QPRT: variants seen among roughly 807,000 people sequenced by gnomAD.
The protein encoded by QPRT is nicotinate-nucleotide pyrophosphorylase [carboxylating].
Under a neutral mutation model 19.8 loss-of-function variants are expected in QPRT, and 17 were observed. That is an observed-to-expected ratio of 0.86 (90% CI 0.59 to 1.29). QPRT has a LOEUF of 1.29. QPRT is among the 50% of genes most tolerant of loss of function. The probability of loss-of-function intolerance (pLI) is 0.00; values close to 1 mark genes in which losing one functional copy is unlikely to be tolerated. For synonymous variants in QPRT, 178 were observed against 191.0 expected, an observed-to-expected ratio of 0.93 and a Z score of 0.56; for missense variants, 336 against 405.1, an observed-to-expected ratio of 0.83 and a Z score of 1.46.
chr16:29,680,647 GT>G (rs1966972564), intron 1 of QPRT, among the ~76,000 whole-genome samples: 1 of 152,046 alleles, frequency 6.6e-6, no homozygotes, highest in African/African-American at 2.4e-5. Context: ...GACAATAATA[GT>G]TCCCTGCTCT....
intron 1 of QPRT, among the ~76,000 whole-genome samples, chr16:29,679,749 C>G (rs1355996976): frequency 6.6e-6 from 1 of 152,104 alleles, no homozygotes; most frequent in Non-Finnish European, 1.5e-5. Flanking sequence ...AGATTTAAAG[C>G]AGCCCCAGGG....
At chr16:29,690,035 G>A (rs928202609) in intron 1 of QPRT, among the ~76,000 whole-genome samples, 2 of 152,008 alleles carry the variant, frequency 1.3e-5, no homozygotes, top group African/African-American at 4.8e-5. Context: ...CCAAACTTCC[G>A]CCCTCCAATA....
In QPRT at chr16:29,697,333, G is replaced by A. The variant is rs145302572; in HGVS notation, c.816G>A (p.Leu272=). The A allele has an allele frequency of 5.0e-6, 8 of 1,614,032 alleles. No individual in the cohort carries two copies. Among genetic ancestry groups the A allele is most frequent in the Non-Finnish European group, 6.8e-6 (8 of 1,180,006 alleles). ...TAGACGTCATCTCCATGGGGATGCT[G>A]ACCCAGGCGGCCCCAGCCCTTGATT... The part of the protein sequence containing the change: ...PHIDVISMGM[L]TQAAPALDFS... The change falls in exon 4 of 4, where the codon CTG becomes CTA. Residue 272 remains leucine, a synonymous_variant. Coordinates refer to ENST00000395384, the MANE Select transcript of QPRT (RefSeq NM_014298.6). The surrounding 1 kb of genome is among the most constrained non-coding windows in gnomAD (Gnocchi z 4.4).
In QPRT at chr16:29,695,080, T is replaced by A; in HGVS notation, c.430T>A (p.Phe144Ile). ...AGGCACGAGGAAGACCACGCCAGGC[T>A]TCCGGCTGGTGGAGAAGTATGGGCT... ...VAGTRKTTPGFRLVEKYGLLV... is the reference protein window; with the variant it reads ...VAGTRKTTPGIRLVEKYGLLV... Residue 144 changes from phenylalanine (F) to isoleucine (I), a missense_variant, in exon 2 of 4, where the codon TTC becomes ATC. Coordinates refer to ENST00000395384, the MANE Select transcript of QPRT (RefSeq NM_014298.6). 2 of 1,605,992 alleles carry A rather than the reference T, an allele frequency of 1.2e-6. No homozygotes were observed. Among genetic ancestry groups the A allele is most frequent in the Non-Finnish European group, 1.7e-6 (2 of 1,178,302 alleles).
chr16:29,684,266 T>C (rs1417958115), intron 1 of QPRT, among the ~76,000 whole-genome samples: 4 of 152,062 alleles, frequency 2.6e-5, no homozygotes, highest in African/African-American at 9.7e-5. Context: ...ACTACAGGCG[T>C]GCACCCCCAT....
At chr16:29,682,438 T>G (rs1042375622) in intron 1 of QPRT, among the ~76,000 whole-genome samples, 3 of 152,098 alleles carry the variant, frequency 2.0e-5, no homozygotes, top group Non-Finnish European at 2.9e-5. Flanking sequence ...AATGGCGTGA[T>G]CTTGGCTCAC....
chr16:29,695,303 C>T, intron 2 of QPRT, 104 bp downstream of exon 2: 1 of 1,315,924 alleles, frequency 7.6e-7, no homozygotes, highest in Non-Finnish European at 1.0e-6. Context: ...ACAGCCATGG[C>T]CTGGAGTCAG....
In QPRT at chr16:29,694,831, G is replaced by A. The variant is rs909659535; in HGVS notation, c.181G>A (p.Asp61Asn). The A allele has an allele frequency of 6.2e-6, 10 of 1,614,098 alleles. No homozygotes were observed. Among genetic ancestry groups the A allele is most frequent in the Admixed American group, 3.3e-5 (2 of 60,026 alleles). Residue 61 changes from aspartate to asparagine, a missense_variant, in exon 2 of 4, where the codon GAT becomes AAT. Transcript: ENST00000395384. ...GGTACTGGCAGGGCAGCCTTTCTTC[G>A]ATGCCATATTTACCCAACTCAACTG... ...PGVLAGQPFF[D>N]AIFTQLNCQV...
At chr16:29,679,272 C>T in intron 1 of QPRT, 62 bp downstream of exon 1, 1 of 1,345,484 alleles carries the variant, frequency 7.4e-7, no homozygotes, top group East Asian at 2.4e-5. Flanking sequence ...ACCCCTGCCC[C>T]CACCCTGGCT....
intron 1 of QPRT, among the ~76,000 whole-genome samples, chr16:29,680,978 G>C (rs956810421): frequency 6.6e-6 from 1 of 151,992 alleles, no homozygotes; most frequent in Non-Finnish European, 1.5e-5. Flanking sequence ...TGCTCAGAAG[G>C]TTGTGGGGAG....
At chr16:29,693,960 G>A (rs2142310061) in intron 1 of QPRT, among the ~76,000 whole-genome samples, 1 of 151,892 alleles carries the variant, frequency 6.6e-6, no homozygotes, top group African/African-American at 2.4e-5. Context: ...ACTGTGATGG[G>A]ATTGCAGGTG....
intron 1 of QPRT, among the ~76,000 whole-genome samples, chr16:29,692,275 ATTTATTTT>A (rs1488304882): frequency 1.9e-5 from 1 of 52,770 alleles, no homozygotes; most frequent in Non-Finnish European, 5.1e-5. Flanking sequence ...TTATTTATTT[ATTTATTTT>A]TTAAGTGTGG....
chr16:29,684,179 G>A (rs1462132663), intron 1 of QPRT, among the ~76,000 whole-genome samples: 1 of 152,182 alleles, frequency 6.6e-6, no homozygotes, highest in Non-Finnish European at 1.5e-5. Flanking sequence ...GAGTGCAGTG[G>A]TGCAATCACA....
At chr16:29,687,619 T>A (rs1967199556) in intron 1 of QPRT, among the ~76,000 whole-genome samples, 2 of 152,068 alleles carry the variant, frequency 1.3e-5, no homozygotes, top group Admixed American at 6.6e-5. Context: ...TGGTGGCACA[T>A]GCCTGTAATC....
chr16:29,679,110 C>T (rs762634267), upstream of QPRT: 1 of 1,611,982 alleles, frequency 6.2e-7, no homozygotes. Flanking sequence ...GGCCCTCCCT[C>T]CCTCCACAGT....
Position 29,680,319 on chromosome 16 carries a change from G to A in QPRT, c.13+1109G>A, listed in dbSNP as rs535238981. Among the ~76,000 whole-genome samples, 19 of 152,258 alleles carry A rather than the reference G, an allele frequency of 1.2e-4. No individual in the cohort carries two copies. In the South Asian group the frequency reaches 3.9e-3, roughly 32 times the overall value. On this transcript the variant is annotated intron_variant, in intron 1 of 3. Transcript: ENST00000395384. ...GGGAGTGGGTTTTACAAGGAGCCAG[G>A]ATGTCTGGTCACATTCCAACGCTTC... is the stretch of plus-strand genomic sequence containing the variant.
chr16:29,687,688 A>G (rs1967201243), intron 1 of QPRT, among the ~76,000 whole-genome samples: 1 of 152,068 alleles, frequency 6.6e-6, no homozygotes, highest in Admixed American at 6.6e-5. Flanking sequence ...CAGTGAGTCT[A>G]CTTTTATTGC....
chr16:29,688,490 G>GAGC (rs1311065912), intron 1 of QPRT, among the ~76,000 whole-genome samples: 4 of 152,042 alleles, frequency 2.6e-5, no homozygotes, highest in African/African-American at 4.8e-5. Context: ...ACCTCTGAGT[G>GAGC]AGCCCATCAA....
At chr16:29,692,897 C>T (rs2142308778) in intron 1 of QPRT, among the ~76,000 whole-genome samples, 1 of 151,838 alleles carries the variant, frequency 6.6e-6, no homozygotes, top group East Asian at 2.0e-4. Flanking sequence ...CCCGTCTATA[C>T]TAAAAATACA....
Sources: gnomAD v4.1 joint callset for allele counts (sites outside exome capture counted in the v4.1 genomes callset) on GRCh38, gnomAD v4.1.1 for gene constraint, Gnocchi (gnomAD v3.1) non-coding constraint, MANE v1.5 for transcripts, NCBI Gene and HGNC (gene_info 2026-07-23, HGNC 2026-07-21) for gene names.